OR3A2: variants seen among roughly 807,000 people sequenced by gnomAD.
OR3A2 encodes the protein olfactory receptor family 3 subfamily A member 2, also known as olfactory receptor 3A2.
For synonymous variants in OR3A2, 126 were observed against 159.3 expected (o/e 0.79, Z 1.57); for missense variants, 318 against 392.8 (o/e 0.81, Z 1.61).
Position 3,278,431 on chromosome 17 carries a change from T to C in OR3A2, c.487A>G (p.Thr163Ala), listed in dbSNP as rs1449926279. The change falls in exon 2 of 2, where the codon ACT becomes GCT. Residue 163 changes from threonine (T) to alanine (A), a missense_variant. Transcript: ENST00000642052. ...AAGTTGAGCGTGGACATGGCCACAG[T>C]GTGGGTCAGTGCGTTGGTGAAGGCA... 6 of 1,614,022 alleles carry C rather than the reference T, an allele frequency of 3.7e-6. No individual in the cohort carries two copies. In the Admixed American group the frequency reaches 5.0e-5, roughly 13 times the overall value.
chr17:3,318,295 T>C (rs932990018), intron 3 of OR3A2, among the ~76,000 whole-genome samples: 8 of 152,162 alleles, frequency 5.3e-5, no homozygotes, highest in African/African-American at 1.9e-4. Context: ...CAGAAAGAGA[T>C]TCACTTTCTT....
At chr17:3,278,916 A>C (rs773629594) in exon 2 of OR3A2, 27 of 1,526,090 alleles carry the variant, frequency 1.8e-5, no homozygotes, top group Non-Finnish European at 2.3e-5. Flanking sequence ...TTCTGGCTCC[A>C]TGAGTTTCTG....
intron 2 of OR3A2, among the ~76,000 whole-genome samples, chr17:3,344,989 G>A (rs1268838641): frequency 6.6e-6 from 1 of 152,170 alleles, no homozygotes; most frequent in Non-Finnish European, 1.5e-5. Context: ...TTTTCTCTGT[G>A]TTGGCCTCAT....
intron 3 of OR3A2, among the ~76,000 whole-genome samples, chr17:3,331,187 T>C (rs1439725599): frequency 6.6e-6 from 1 of 152,154 alleles, no homozygotes; most frequent in Non-Finnish European, 1.5e-5. Flanking sequence ...CTGACAATTA[T>C]GTGTCTTGGA....
rs4790459 is a variant in OR3A2, at chr17:3,289,908, G to A, written c.-84-10755C>T. On this transcript the variant is annotated intron_variant, in intron 3 of 4. Transcript: ENST00000573491. ...GCATCTTTTTCCTGTGTCTATTGAC[G>A]CCGTCAGCCAGCATGACTCAAAAGG... Among the ~76,000 whole-genome samples, 826 of 152,212 alleles carry A rather than the reference G, an allele frequency of 5.4e-3. 19 individuals carry two copies. The highest frequency in any genetic ancestry group is 0.032 in the East Asian group (163 of 5,172).
intron 3 of OR3A2, among the ~76,000 whole-genome samples, chr17:3,323,657 C>T (rs1050783649): frequency 4.4e-4 from 67 of 152,048 alleles, no homozygotes; most frequent in Admixed American, 1.5e-3. Context: ...GTTGAAAATT[C>T]TTTTCCTTAA....
At chr17:3,358,301 T>C (rs532100953) in intron 2 of OR3A2, among the ~76,000 whole-genome samples, 4 of 151,566 alleles carry the variant, frequency 2.6e-5, no homozygotes, top group Non-Finnish European at 4.4e-5. Flanking sequence ...ATTTTTGTTA[T>C]TTCTCATCTT....
At chr17:3,327,995 C>T (rs1208980967) in intron 3 of OR3A2, among the ~76,000 whole-genome samples, 2 of 134,646 alleles carry the variant, frequency 1.5e-5, no homozygotes, top group East Asian at 4.3e-4. Context: ...TAGTGTGATG[C>T]CTCCAGCTTT....
intron 3 of OR3A2, among the ~76,000 whole-genome samples, chr17:3,305,850 G>A (rs775110688): frequency 3.3e-5 from 5 of 152,218 alleles, no homozygotes; most frequent in Admixed American, 3.3e-4. Flanking sequence ...TGATTAGGTG[G>A]TAATTATTTG....
chr17:3,371,176 C>T (rs1433449213), intron 2 of OR3A2, among the ~76,000 whole-genome samples: 2 of 152,082 alleles, frequency 1.3e-5, no homozygotes, highest in East Asian at 3.9e-4. Context: ...GGGCTCCTCA[C>T]TTCCCAGTAG....
At chr17:3,332,947 A>G (rs994324805) in intron 3 of OR3A2, among the ~76,000 whole-genome samples, 1 of 152,222 alleles carries the variant, frequency 6.6e-6, no homozygotes, top group African/African-American at 2.4e-5. Flanking sequence ...TGCACCTTGA[A>G]AAGAACAGAA....
chr17:3,308,056 AT>A (rs1292705353), intron 3 of OR3A2, among the ~76,000 whole-genome samples: 1 of 152,246 alleles, frequency 6.6e-6, no homozygotes, highest in East Asian at 1.9e-4. Context: ...GTGCTCAAAA[AT>A]ATTTTTGTTA....
chr17:3,279,052 C>T, intron 1 of OR3A2, 24 bp downstream of exon 4: 1 of 1,454,210 alleles, frequency 6.9e-7, no homozygotes, highest in Admixed American at 2.3e-5. Flanking sequence ...TCGTTGACCT[C>T]CTCCATCACC....
chr17:3,352,122 T>A (rs2049424854), intron 2 of OR3A2, among the ~76,000 whole-genome samples: 1 of 151,988 alleles, frequency 6.6e-6, no homozygotes, highest in African/African-American at 2.4e-5. Context: ...TCCTATAGAG[T>A]TGCTGAGCTC....
chr17:3,311,653 C>T lies in OR3A2; in HGVS notation c.-85+24380G>A. The T allele has an allele frequency of 3.3e-6, 1 of 305,226 alleles. No individual in the cohort carries two copies. Among genetic ancestry groups the T allele is most frequent in the South Asian group, 3.7e-5 (1 of 26,750 alleles). 18.9% of individuals were successfully genotyped at this position (305,226 alleles called of 1,614,324 possible). On this transcript the variant is annotated intron_variant, in intron 3 of 4. Transcript: ENST00000573491. This position sits in a 1 kb window ranked among gnomAD's most constrained non-coding sequence, Gnocchi z 4.6. ...GATCTTTATCTCAGTGTCCTATGCC[C>T]ACGTCACAGCTGCAATATTACAAAT...
chr17:3,313,042 A>C (rs1161069416), intron 3 of OR3A2, among the ~76,000 whole-genome samples: 2 of 152,254 alleles, frequency 1.3e-5, no homozygotes, highest in Non-Finnish European at 2.9e-5. Context: ...CTAGAGGGGA[A>C]TATCATTTGC....
upstream of OR3A2, among the ~76,000 whole-genome samples, chr17:3,286,019 A>G (rs1300874192): frequency 6.6e-6 from 1 of 152,034 alleles, no homozygotes; most frequent in Non-Finnish European, 1.5e-5. Flanking sequence ...GCACCCATCA[A>G]CCTGTCTTCT....
chr17:3,337,439 G>T (rs1399505148), intron 2 of OR3A2, among the ~76,000 whole-genome samples: 1 of 149,190 alleles, frequency 6.7e-6, no homozygotes, highest in Non-Finnish European at 1.5e-5. Context: ...CCAACCCCAC[G>T]AGAGGCCCCG....
intron 2 of OR3A2, among the ~76,000 whole-genome samples, chr17:3,362,488 T>C (rs2049527159): frequency 6.6e-6 from 1 of 151,792 alleles, no homozygotes; most frequent in African/African-American, 2.4e-5. Context: ...CTTGCTTCTC[T>C]AGTTCTTTTC....
Sources: allele counts gnomAD v4.1 joint callset (sites outside exome capture counted in the v4.1 genomes callset), GRCh38; gene constraint gnomAD v4.1.1; non-coding constraint Gnocchi (gnomAD v3.1); transcripts MANE v1.5; gene names NCBI Gene and HGNC (gene_info 2026-07-23, HGNC 2026-07-21).